The following ANKRD6 variants were observed in gnomAD, a reference collection of about 807,000 sequenced individuals.
The protein encoded by ANKRD6 is ankyrin repeat domain-containing protein 6.
In ANKRD6, 56 loss-of-function variants were observed where a neutral mutation model predicts 82.3. That is an observed-to-expected ratio of 0.68 (90% CI 0.55 to 0.85). ANKRD6 has a LOEUF of 0.85. Ranked by LOEUF, ANKRD6 falls within the 40% of genes least tolerant of loss-of-function variation. The pLI is 0.00. For missense variants in ANKRD6, 852 were observed against 907.6 expected (o/e 0.94, Z 0.79); for synonymous variants, 347 against 352.1 (o/e 0.99, Z 0.16).
intron 1 of ANKRD6, among the ~76,000 whole-genome samples, chr6:89,542,726 T>G (rs1784585825): frequency 6.6e-6 from 1 of 152,218 alleles, no homozygotes; most frequent in South Asian, 2.1e-4. Flanking sequence ...CCTCAAGACT[T>G]TTGTCTCACT....
intron 1 of ANKRD6, among the ~76,000 whole-genome samples, chr6:89,557,119 G>T (rs74658397): frequency 1.3e-5 from 2 of 152,148 alleles, no homozygotes; most frequent in Non-Finnish European, 2.9e-5. Flanking sequence ...AAAGGAACAG[G>T]TTTGGGAGGA....
chr6:89,534,897 C>T (rs1783632961), intron 1 of ANKRD6, among the ~76,000 whole-genome samples: 2 of 152,116 alleles, frequency 1.3e-5, no homozygotes, highest in African/African-American at 4.8e-5. Context: ...TGTTTTGGAC[C>T]TAGGGAGCTA....
chr6:89,494,873 C>A (rs140946551), intron 1 of ANKRD6, among the ~76,000 whole-genome samples: 1 of 152,198 alleles, frequency 6.6e-6, no homozygotes. Context: ...AATTTTAGAT[C>A]AGTCACTATG....
intron 2 of ANKRD6, among the ~76,000 whole-genome samples, chr6:89,589,018 AG>A (rs1794353286): frequency 2.0e-5 from 3 of 149,484 alleles, no homozygotes; most frequent in African/African-American, 7.3e-5. Flanking sequence ...AAAAAAAAAA[AG>A]GTGTTCCAGG....
chr6:89,566,419 G>A (rs183142405), intron 1 of ANKRD6, among the ~76,000 whole-genome samples: 1 of 152,242 alleles, frequency 6.6e-6, no homozygotes. Flanking sequence ...TGGGGAAGCG[G>A]CACGTTAGCC....
chr6:89,549,350 A>G (rs1025874216), intron 1 of ANKRD6, among the ~76,000 whole-genome samples: 1 of 152,200 alleles, frequency 6.6e-6, no homozygotes, highest in Non-Finnish European at 1.5e-5. Context: ...GAGTGAGTTC[A>G]TTATAAAAGA....
In ANKRD6 at chr6:89,595,135, G is replaced by A. The variant is rs112624528; in HGVS notation, c.121-781G>A. 2.2e-3 allele frequency among the ~76,000 whole-genome samples: 341 copies of A among 152,198 alleles called. 2 individuals carry two copies. Among genetic ancestry groups the A allele is most frequent in the African/African-American group, 7.7e-3 (319 of 41,512 alleles). On this transcript the variant is annotated intron_variant, in intron 2 of 15. Transcript: ENST00000339746. ...TCCTAGCACTTCGGGAGGCCAAGGC[G>A]GGTGGATCATTTGAGGTCAGGAGTT...
chr6:89,578,115 A>G (rs1297211440), intron 2 of ANKRD6, among the ~76,000 whole-genome samples: 4 of 152,166 alleles, frequency 2.6e-5, no homozygotes, highest in East Asian at 1.9e-4. Context: ...CAGGGCAGGT[A>G]GCATGGAGAC....
chr6:89,543,049 T>TA (rs1784615193), intron 1 of ANKRD6, among the ~76,000 whole-genome samples: 1 of 152,244 alleles, frequency 6.6e-6, no homozygotes, highest in African/African-American at 2.4e-5. Flanking sequence ...TGGGGTTTTT[T>TA]ACGGTACTTA....
intron 1 of ANKRD6, among the ~76,000 whole-genome samples, chr6:89,449,046 A>G (rs1328797151): frequency 1.3e-5 from 2 of 152,068 alleles, no homozygotes; most frequent in Non-Finnish European, 2.9e-5. Flanking sequence ...AAAAAAAAAA[A>G]AAAAAGAAAT....
intron 1 of ANKRD6, among the ~76,000 whole-genome samples, chr6:89,520,335 G>C (rs2127965744): frequency 6.6e-6 from 1 of 152,320 alleles, no homozygotes; most frequent in East Asian, 1.9e-4. Flanking sequence ...TGTCTAGTCA[G>C]TTACATAGCC....
At chr6:89,485,032 A>G (rs1465211598) in intron 1 of ANKRD6, among the ~76,000 whole-genome samples, 1 of 152,144 alleles carries the variant, frequency 6.6e-6, no homozygotes, top group African/African-American at 2.4e-5. Flanking sequence ...GCCACACTGT[A>G]TGGGGGCACT....
At position 89,464,673 on chromosome 6, in the gene ANKRD6, G is replaced by A. The variant is rs1169334640; in HGVS notation, c.-144+31298G>A. On this transcript the variant is annotated intron_variant, in intron 1 of 15. Transcript: ENST00000339746. Reference sequence around the variant, plus strand: ...CTTGTAACTTCCTTAGGGGAAAATTGTATGCATTTCTATTTGGAAGTAAAA... The same window carrying A: ...CTTGTAACTTCCTTAGGGGAAAATTATATGCATTTCTATTTGGAAGTAAAA... Among the ~76,000 whole-genome samples the A allele has an allele frequency of 3.3e-5, 5 of 152,188 alleles. No homozygotes were observed. The East Asian group carries it at 9.6e-4, about 29-fold the overall frequency.
intron 7 of ANKRD6, among the ~76,000 whole-genome samples, chr6:89,614,837 G>T (rs1801106153): frequency 1.8e-5 from 1 of 56,082 alleles, no homozygotes; most frequent in Non-Finnish European, 3.8e-5. Flanking sequence ...TCTCTTTAAA[G>T]GAAAAAAAAA....
At chr6:89,554,680 AG>A in intron 1 of ANKRD6, among the ~76,000 whole-genome samples, 1 of 152,282 alleles carries the variant, frequency 6.6e-6, no homozygotes, top group South Asian at 2.1e-4. Flanking sequence ...TTCGTGTGAC[AG>A]GCTGTGTGGT....
chr6:89,612,857 T>G (rs1800567143), intron 6 of ANKRD6, among the ~76,000 whole-genome samples: 1 of 152,366 alleles, frequency 6.6e-6, no homozygotes, highest in East Asian at 1.9e-4. Context: ...TGGGTATCGC[T>G]TCTTCACAAA....
chr6:89,551,868 A>G (rs941755561), intron 1 of ANKRD6, among the ~76,000 whole-genome samples: 1 of 152,256 alleles, frequency 6.6e-6, no homozygotes, highest in African/African-American at 2.4e-5. Flanking sequence ...TCTCAGGAAT[A>G]AATATCCCTG....
intron 1 of ANKRD6, among the ~76,000 whole-genome samples, chr6:89,440,532 T>G (rs1771241522): frequency 6.6e-6 from 1 of 152,200 alleles, no homozygotes; most frequent in South Asian, 2.1e-4. Flanking sequence ...CAAGGAGCTT[T>G]TCTTGTATCC....
Position 89,612,363 on chromosome 6 carries a change from A to G in ANKRD6, c.509A>G (p.Lys170Arg), listed in dbSNP as rs1374190231. The change falls in exon 6 of 16, where the codon AAA becomes AGA. Residue 170 changes from lysine to arginine, a missense_variant. Lys to Arg is a conservative substitution (Grantham distance 26). Transcript: ENST00000339746. ...CTGGCCGGGTCCCGCGCTGACCTCA[A>G]AAATAATGTGGGTGAACAAAACCAG... is the stretch of plus-strand genomic sequence containing the variant. ...LLLAGSRADLKNNAGDTCLHV... is the reference protein window; with the variant it reads ...LLLAGSRADLRNNAGDTCLHV... The G allele has an allele frequency of 3.2e-6, 5 of 1,554,260 alleles. No individual in the cohort carries two copies. The East Asian group carries it at 7.2e-5, about 22-fold the overall frequency.
Sources: gnomAD v4.1 joint callset for allele counts (sites outside exome capture counted in the v4.1 genomes callset) on GRCh38, gnomAD v4.1.1 for gene constraint, MANE v1.5 for transcripts, NCBI Gene and HGNC (gene_info 2026-07-23, HGNC 2026-07-21) for gene names.